The following INTS4 variants were observed in gnomAD, a reference collection of about 807,000 sequenced individuals.
INTS4 encodes the protein MSTP093.
INTS4 carries 70 observed loss-of-function variants against 119.5 expected under a neutral mutation model. The ratio of observed to expected loss-of-function variants is 0.59; its 90% CI spans 0.48 to 0.71. The LOEUF (loss-of-function observed/expected upper bound fraction) is 0.71, where lower values mean the gene tolerates loss of function less well. Ranked by LOEUF, INTS4 falls within the 30% of genes least tolerant of loss-of-function variation. The probability of loss-of-function intolerance (pLI) is 0.00; values close to 1 mark genes in which losing one functional copy is unlikely to be tolerated. For missense variants in INTS4, 867 were observed against 1,173.2 expected (o/e 0.74, Z 3.81); for synonymous variants, 316 against 419.6 (o/e 0.75, Z 3.02).
intron 19 of INTS4, among the ~76,000 whole-genome samples, chr11:77,892,103 C>A (rs1397965086): frequency 6.6e-6 from 1 of 152,162 alleles, no homozygotes; most frequent in Non-Finnish European, 1.5e-5. Flanking sequence ...TCCAGCAATC[C>A]TATGCATCAT....
intron 8 of INTS4, among the ~76,000 whole-genome samples, chr11:77,950,758 C>T (rs939041556): frequency 2.0e-5 from 3 of 152,016 alleles, no homozygotes; most frequent in African/African-American, 7.3e-5. Flanking sequence ...TTTTAGGGTA[C>T]ATGTGCACAA....
At chr11:77,932,216 C>G (rs1953667425) in intron 10 of INTS4, among the ~76,000 whole-genome samples, 1 of 151,676 alleles carries the variant, frequency 6.6e-6, no homozygotes, top group African/African-American at 2.4e-5. Flanking sequence ...TATCCAGAAT[C>G]TACAAGGAAC....
At chr11:77,890,033 C>T (rs1016508730) in intron 21 of INTS4, among the ~76,000 whole-genome samples, 1 of 152,138 alleles carries the variant, frequency 6.6e-6, no homozygotes, top group African/African-American at 2.4e-5. Context: ...TCCATAGGCC[C>T]TATTCTCAGG....
rs747005932 is a variant in INTS4 at position 77,981,605 on chromosome 11, G to C, written c.247-29C>G. 2.0e-5 allele frequency: 24 copies of C among 1,224,076 alleles called. No homozygotes were observed. The African/African-American group carries it at 2.4e-4, about 12-fold the overall frequency. 75.8% of individuals were successfully genotyped at this position (1,224,076 alleles called of 1,614,324 possible). A position where few individuals can be genotyped will look rare whatever the true frequency, so the allele number is the denominator to read the frequency against. On this transcript the variant is annotated intron_variant, in intron 2 of 22. Coordinates refer to ENST00000534064, the MANE Select transcript of INTS4 (RefSeq NM_033547.4). ...GAAAAAAAGAAGCAATTGTCACTTT[G>C]ATGCTTTACACTTAGCTAACCAACA...
At chr11:77,881,870 G>A in intron 22 of INTS4, among the ~76,000 whole-genome samples, 1 of 151,510 alleles carries the variant, frequency 6.6e-6, no homozygotes, top group East Asian at 1.9e-4. Context: ...ACTGGGTAGC[G>A]ACCATTCAGA....
At chr11:77,934,629 A>T (rs1953747608) in intron 10 of INTS4, among the ~76,000 whole-genome samples, 1 of 152,206 alleles carries the variant, frequency 6.6e-6, no homozygotes, top group Admixed American at 6.5e-5. Context: ...AAAAAAATAA[A>T]AGTGATGAAA....
At chr11:77,990,895 G>C (rs117476768) in intron 2 of INTS4, among the ~76,000 whole-genome samples, 6 of 152,078 alleles carry the variant, frequency 3.9e-5, no homozygotes, top group Non-Finnish European at 5.9e-5. Flanking sequence ...CCTTATCATT[G>C]ACATGTCTTG....
intron 21 of INTS4, among the ~76,000 whole-genome samples, chr11:77,890,215 C>G (rs1340037891): frequency 6.6e-6 from 1 of 152,188 alleles, no homozygotes; most frequent in East Asian, 1.9e-4. Context: ...AGAACTAGTT[C>G]TCTGCAGGTC....
chr11:77,990,679 C>CT (rs1406981741), intron 2 of INTS4, among the ~76,000 whole-genome samples: 5 of 111,706 alleles, frequency 4.5e-5, no homozygotes, highest in African/African-American at 1.9e-4. Flanking sequence ...GAGCGAGACT[C>CT]TGTCTCCAAA....
chr11:77,886,011 G>A (rs1053587524), intron 21 of INTS4, among the ~76,000 whole-genome samples: 26 of 151,402 alleles, frequency 1.7e-4, no homozygotes, highest in Non-Finnish European at 1.8e-4. Flanking sequence ...GACGAGACTG[G>A]GCAAAAAAGT....
At chr11:77,939,515 A>G (rs1953878630) in intron 9 of INTS4, among the ~76,000 whole-genome samples, 1 of 152,190 alleles carries the variant, frequency 6.6e-6, no homozygotes, top group Non-Finnish European at 1.5e-5. Context: ...TTTCAGCTAC[A>G]GTACAGTCAC....
intron 4 of INTS4, among the ~76,000 whole-genome samples, chr11:77,964,985 G>A (rs1053951423): frequency 3.3e-5 from 5 of 152,192 alleles, no homozygotes; most frequent in Non-Finnish European, 7.3e-5. Flanking sequence ...TGTATGCAAT[G>A]TGGAATTATT....
At chr11:77,975,857 G>A (rs534080537) in intron 4 of INTS4, among the ~76,000 whole-genome samples, 112 of 152,106 alleles carry the variant, frequency 7.4e-4, no homozygotes, top group Non-Finnish European at 1.4e-3. Context: ...TCGGGAGGCT[G>A]AGGCAGGAGA....
At chr11:77,884,080 T>C (rs570889097) in intron 21 of INTS4, 128 bp from the exon 22 acceptor site, 2 of 918,866 alleles carry the variant, frequency 2.2e-6, no homozygotes, top group African/African-American at 1.7e-5. Flanking sequence ...AGATTGAGCC[T>C]TGGGGGTAGG....
intron 21 of INTS4, among the ~76,000 whole-genome samples, chr11:77,886,941 T>A (rs1043663838): frequency 4.6e-5 from 7 of 151,420 alleles, no homozygotes; most frequent in African/African-American, 1.7e-4. Context: ...TGGGACACAT[T>A]CAAAGCAGTG....
intron 2 of INTS4, among the ~76,000 whole-genome samples, chr11:77,983,999 G>A (rs1275628925): frequency 6.6e-6 from 1 of 152,092 alleles, no homozygotes; most frequent in Non-Finnish European, 1.5e-5. Flanking sequence ...ATTGGCAAAT[G>A]AAAAGATAAG....
chr11:77,937,967 C>T (rs1305003985), intron 10 of INTS4, among the ~76,000 whole-genome samples: 3 of 152,048 alleles, frequency 2.0e-5, no homozygotes, highest in Admixed American at 6.6e-5. Flanking sequence ...TGTGTCTGAG[C>T]CTCTCTAGCA....
At chr11:77,930,024 T>C (rs1953607797) in intron 10 of INTS4, among the ~76,000 whole-genome samples, 1 of 152,202 alleles carries the variant, frequency 6.6e-6, no homozygotes, top group Admixed American at 6.5e-5. Context: ...AAGCCCTTTC[T>C]TGATTCACTA....
chr11:77,886,003 C>T lies in INTS4; in HGVS notation c.2593-2051G>A, dbSNP rs147208562. Among the ~76,000 whole-genome samples, 714 of 151,732 alleles carry T rather than the reference C, an allele frequency of 4.7e-3. 6 individuals are homozygous for T. The highest frequency in any genetic ancestry group is 0.015 in the African/African-American group (629 of 41,342). Reference sequence around the variant, plus strand: ...ATTGCTTGAAGACAGGAGTTTAAGACGAGACTGGGCAAAAAAGTAAGACCC... The same window carrying T: ...ATTGCTTGAAGACAGGAGTTTAAGATGAGACTGGGCAAAAAAGTAAGACCC... On this transcript the variant is annotated intron_variant, in intron 21 of 22. Coordinates refer to ENST00000534064, the MANE Select transcript of INTS4 (RefSeq NM_033547.4).
Sources: allele counts gnomAD v4.1 joint callset (sites outside exome capture counted in the v4.1 genomes callset), GRCh38; gene constraint gnomAD v4.1.1; transcripts MANE v1.5; gene names NCBI Gene and HGNC (gene_info 2026-07-23, HGNC 2026-07-21).